The following HTR2C variants were observed in gnomAD, a reference collection of about 807,000 sequenced individuals.
HTR2C encodes the protein 5-hydroxytryptamine (serotonin) receptor 2C, G protein-coupled.
Under a neutral mutation model 21.0 loss-of-function variants are expected in HTR2C, and 5 were observed. That is an observed-to-expected ratio of 0.24 (90% CI 0.12 to 0.50). The LOEUF (loss-of-function observed/expected upper bound fraction) is 0.50. Ranked by LOEUF, HTR2C falls within the 20% of genes least tolerant of loss-of-function variation. The pLI, the probability that HTR2C is intolerant of heterozygous loss-of-function variation, is 0.98. For missense variants in HTR2C, 271 were observed against 371.2 expected (o/e 0.73, Z 2.22); for synonymous variants, 150 against 145.3 (o/e 1.03, Z -0.23).
At chrX:114,852,790 T>C (rs1034045020) in intron 5 of HTR2C, among the ~76,000 whole-genome samples, 2 of 107,410 alleles carry the variant, frequency 1.9e-5, no homozygotes, top group East Asian at 5.9e-4. Flanking sequence ...TGTGTGTGTG[T>C]GTCCTTTGTG....
At chrX:114,793,275 A>T (rs1304546845) in intron 4 of HTR2C, among the ~76,000 whole-genome samples, 4 of 111,437 alleles carry the variant, frequency 3.6e-5, no homozygotes, top group African/African-American at 1.3e-4. Flanking sequence ...TAATATATTT[A>T]TCTCAGCCAG....
intron 1 of HTR2C, among the ~76,000 whole-genome samples, chrX:114,598,226 G>A (rs1280877319): frequency 1.8e-5 from 2 of 111,797 alleles, no homozygotes; most frequent in Non-Finnish European, 3.8e-5. Context: ...CCAAAGCCCA[G>A]AGAGGAAGTG....
At chrX:114,586,982 G>C (rs1927427411) in intron 1 of HTR2C, among the ~76,000 whole-genome samples, 1 of 111,045 alleles carries the variant, frequency 9.0e-6, no homozygotes, top group African/African-American at 3.3e-5. Context: ...TACTTGGGAA[G>C]AGCAATAAAA....
intron 4 of HTR2C, among the ~76,000 whole-genome samples, chrX:114,787,300 A>G (rs1338648406): frequency 8.9e-6 from 1 of 112,167 alleles, no homozygotes; most frequent in Non-Finnish European, 1.9e-5. Flanking sequence ...ATCAGTTTGC[A>G]TGCAATAACA....
intron 4 of HTR2C, 46 bp downstream of exon 4, chrX:114,731,653 A>G (rs200955421): frequency 1.4e-5 from 13 of 943,656 alleles, no homozygotes; most frequent in Admixed American, 1.2e-4. Context: ...AATGTCATAA[A>G]TTTGTGTCAT....
At chrX:114,585,533 C>T (rs781799272) in intron 1 of HTR2C, among the ~76,000 whole-genome samples, 3 of 111,285 alleles carry the variant, frequency 2.7e-5, no homozygotes, top group Non-Finnish European at 5.7e-5. Context: ...AACAGGTTGC[C>T]GTTCCTGATG....
At chrX:114,765,236 G>T (rs1443638829) in intron 4 of HTR2C, among the ~76,000 whole-genome samples, 1 of 109,854 alleles carries the variant, frequency 9.1e-6, no homozygotes, top group Non-Finnish European at 1.9e-5. Flanking sequence ...AGAGAGCTAA[G>T]TTCTCAGTCC....
At chrX:114,783,061 A>G (rs1424918558) in intron 4 of HTR2C, among the ~76,000 whole-genome samples, 4 of 112,040 alleles carry the variant, frequency 3.6e-5, no homozygotes, top group African/African-American at 1.3e-4. Flanking sequence ...TGCATTAAAT[A>G]AAAGAGTAGC....
chrX:114,654,578 A>G (rs1556409025), intron 2 of HTR2C, among the ~76,000 whole-genome samples: 2 of 109,531 alleles, frequency 1.8e-5, no homozygotes, highest in Non-Finnish European at 3.8e-5. Flanking sequence ...ACTTTACCCC[A>G]CATTGTTCTT....
At chrX:114,829,301 C>G (rs782363951) in intron 4 of HTR2C, among the ~76,000 whole-genome samples, 68 of 111,182 alleles carry the variant, frequency 6.1e-4, no homozygotes, top group African/African-American at 2.2e-3. Context: ...ATTTATATTT[C>G]TCTAATGACT....
intron 2 of HTR2C, among the ~76,000 whole-genome samples, chrX:114,705,457 A>C (rs1166441077): frequency 2.8e-5 from 3 of 108,489 alleles, no homozygotes; most frequent in Non-Finnish European, 5.7e-5. Context: ...AGCAATGGGG[A>C]AAGGATTCCC....
intron 2 of HTR2C, among the ~76,000 whole-genome samples, chrX:114,657,261 G>A (rs1556409414): frequency 9.1e-6 from 1 of 110,426 alleles, no homozygotes; most frequent in African/African-American, 3.3e-5. Context: ...AGAAAAAATT[G>A]TCTCCCAGCA....
At chrX:114,586,189 G>T (rs1283189910) in intron 1 of HTR2C, among the ~76,000 whole-genome samples, 1 of 111,418 alleles carries the variant, frequency 9.0e-6, no homozygotes, top group East Asian at 2.8e-4. Flanking sequence ...TATCTACCGT[G>T]ATCATTGCAT....
At position 114,623,905 on chromosome X, in the gene HTR2C, TG is replaced by T. The variant is rs1199085275; in HGVS notation, c.-80+10025del. Among the ~76,000 whole-genome samples the T allele has an allele frequency of 3.2e-3, 173 of 53,579 alleles. 1 individual carries two copies. The highest frequency in any genetic ancestry group is 0.01 in the African/African-American group (169 of 16,299). The allele number at this position is 53,579 out of a possible 115,157, so 46.5% of individuals were successfully genotyped here. Reference sequence around the variant, plus strand: ...TACAAGTTGTCTCTTTTTTTGTTGTTGTTTTTTTTTTTTTTTTTTTTGAGAC... The same window carrying T: ...TACAAGTTGTCTCTTTTTTTGTTGTTTTTTTTTTTTTTTTTTTTTTGAGAC... On this transcript the variant is annotated intron_variant, in intron 2 of 5. Transcript: ENST00000276198.
intron 5 of HTR2C, among the ~76,000 whole-genome samples, chrX:114,876,237 G>A (rs2071133638): frequency 9.1e-6 from 1 of 109,487 alleles, no homozygotes; most frequent in African/African-American, 3.3e-5. Context: ...AAATGCAACT[G>A]ATTTTTGTAT....
chrX:114,628,820 G>A (rs1265071239), intron 2 of HTR2C, among the ~76,000 whole-genome samples: 5 of 112,028 alleles, frequency 4.5e-5, no homozygotes, highest in Non-Finnish European at 7.5e-5. Flanking sequence ...GCATTTTGAC[G>A]TGTATGCACA....
At position 114,897,461 on chromosome X, in the gene HTR2C, A is replaced by G. The variant is rs781896444; in HGVS notation, c.551-9128A>G. 3.2e-4 allele frequency among the ~76,000 whole-genome samples: 35 copies of G among 110,362 alleles called. No homozygotes were observed. In the South Asian group the frequency reaches 4.6e-3, roughly 15 times the overall value. On this transcript the variant is annotated intron_variant, in intron 5 of 5. Transcript: ENST00000276198. ...CGTGCAGGATGTGCAGGTTTCTTAC[A>G]TAGGTAAATGTGTCCCATGGTGGTT...
intron 4 of HTR2C, among the ~76,000 whole-genome samples, chrX:114,812,540 G>A (rs898822588): frequency 9.1e-6 from 1 of 110,267 alleles, no homozygotes; most frequent in Non-Finnish European, 1.9e-5. Flanking sequence ...GACCAGCCTG[G>A]CCAACATGGT....
intron 2 of HTR2C, among the ~76,000 whole-genome samples, chrX:114,621,747 G>T (rs1229070581): frequency 8.9e-6 from 1 of 112,022 alleles, no homozygotes; most frequent in Admixed American, 9.5e-5. Flanking sequence ...TATGTTCTCT[G>T]AACTGAAAGC....
Sources: gnomAD v4.1 joint callset for allele counts (sites outside exome capture counted in the v4.1 genomes callset) on GRCh38, gnomAD v4.1.1 for gene constraint, MANE v1.5 for transcripts, NCBI Gene and HGNC (gene_info 2026-07-23, HGNC 2026-07-21) for gene names.